CHIA: variants seen among roughly 807,000 people sequenced by gnomAD.
The protein encoded by CHIA is acidic mammalian chitinase.
CHIA carries 47 observed loss-of-function variants against 53.5 expected under a neutral mutation model. That is an observed-to-expected ratio of 0.88 (90% confidence interval 0.70 to 1.12). The LOEUF (loss-of-function observed/expected upper bound fraction) is 1.12. CHIA is among the 50% of genes most tolerant of loss of function. The pLI is 0.00. For synonymous variants in CHIA, 268 were observed against 222.2 expected (o/e 1.21, Z -1.83); for missense variants, 652 against 592.2 (o/e 1.10, Z -1.05).
chr1:111,311,941 G>A (rs1329239012), intron 3 of CHIA, among the ~76,000 whole-genome samples: 2 of 152,096 alleles, frequency 1.3e-5, no homozygotes, highest in African/African-American at 4.8e-5. Context: ...TTCTTAGAAG[G>A]CTGCTAGCTA....
At chr1:111,301,055 G>C (rs1470037517) in intron 1 of CHIA, among the ~76,000 whole-genome samples, 1 of 152,206 alleles carries the variant, frequency 6.6e-6, no homozygotes, top group East Asian at 1.9e-4. Flanking sequence ...AGTTAGAATG[G>C]AGATCATTAA....
intron 9 of CHIA, among the ~76,000 whole-genome samples, 154 bp from the exon 10 acceptor site, chr1:111,318,966 A>T (rs1649411598): frequency 6.6e-6 from 1 of 152,236 alleles, no homozygotes; most frequent in Non-Finnish European, 1.5e-5. Flanking sequence ...AAATCATTTG[A>T]CAAGCAACTT....
chr1:111,320,097 C>A, intron 11 of CHIA, 116 bp from the exon 12 acceptor site: 1 of 854,862 alleles, frequency 1.2e-6, no homozygotes, highest in Non-Finnish European at 1.9e-6. Context: ...TGCAGGGATC[C>A]AGAGCCAACT....
At chr1:111,314,861 G>C (rs1191272290) in intron 5 of CHIA, 2 of 485,424 alleles carry the variant, frequency 4.1e-6, no homozygotes, top group Non-Finnish European at 7.3e-6. Context: ...TCTTCTTAAA[G>C]TATTTCAAGA....
Position 111,318,490 on chromosome 1 carries a change from C to T in CHIA, c.730-3C>T, listed in dbSNP as rs760435122. 5.6e-6 allele frequency: 9 copies of T among 1,611,090 alleles called. 1 individual carries two copies. The highest frequency in any genetic ancestry group is 3.3e-4 in the Middle Eastern group (2 of 6,074). ...CCATGTAACTAACCCACTGACATTGCAGGATTATGTCATGAACTACTGGAA... is the reference window on the plus strand; with the variant it reads ...CCATGTAACTAACCCACTGACATTGTAGGATTATGTCATGAACTACTGGAA... On this transcript the variant is annotated splice_region_variant and splice_polypyrimidine_tract_variant and intron_variant, in intron 8 of 11. Transcript: ENST00000369740.
At chr1:111,315,886 G>C (rs1649117694) in intron 6 of CHIA, 1 of 435,352 alleles carries the variant, frequency 2.3e-6, no homozygotes, top group African/African-American at 2.3e-5. Context: ...CATATTCTGT[G>C]GCAGACATTG....
At chr1:111,303,936 A>C (rs1167542134) in intron 1 of CHIA, among the ~76,000 whole-genome samples, 1 of 152,196 alleles carries the variant, frequency 6.6e-6, no homozygotes, top group Non-Finnish European at 1.5e-5. Context: ...ATTGGTAACA[A>C]ACTACATCAG....
intron 1 of CHIA, among the ~76,000 whole-genome samples, chr1:111,294,841 G>T (rs1246256492): frequency 6.6e-6 from 1 of 151,958 alleles, no homozygotes; most frequent in Non-Finnish European, 1.5e-5. Flanking sequence ...TACATTCATT[G>T]GTTTTCATAA....
chr1:111,315,708 T>C, intron 6 of CHIA: 1 of 515,562 alleles, frequency 1.9e-6, no homozygotes. Flanking sequence ...ATACATACTA[T>C]AAGTGTTATA....
chr1:111,310,231 C>T (rs891617736), intron 1 of CHIA, 169 bp from the exon 2 acceptor site: 18 of 757,190 alleles, frequency 2.4e-5, no homozygotes, highest in Admixed American at 3.6e-5. Context: ...TCTCCACCAC[C>T]CTGTTAGGAG....
chr1:111,317,831 C>T, intron 7 of CHIA, 26 bp downstream of exon 7: 2 of 1,613,636 alleles, frequency 1.2e-6, no homozygotes, highest in African/African-American at 2.7e-5. Flanking sequence ...TATCTTCAAA[C>T]TCCTGGAGGT....
chr1:111,318,645 T>A lies in CHIA; in HGVS notation c.882T>A (p.Tyr294Ter). The A allele has an allele frequency of 6.2e-7, 1 of 1,614,128 alleles. No individual in the cohort carries two copies. Among genetic ancestry groups the A allele is most frequent in the South Asian group, 1.1e-5 (1 of 91,076 alleles). ...PTSGAGPAGPYAKESGIWAYY... is the reference protein window; with the variant it reads ...PTSGAGPAGP ...CTGGTGCTGGTCCTGCTGGGCCCTA[T>A]GCCAAGGAGTCTGGGATCTGGGCTT... The change falls in exon 9 of 12, where the codon TAT (tyrosine) becomes TAA (stop). Residue 294 changes from tyrosine (Y) to a stop codon, truncating the protein, a stop_gained. Coordinates refer to ENST00000369740, the MANE Select transcript of CHIA (RefSeq NM_201653.4). LOFTEE classifies it high-confidence loss of function.
chr1:111,296,889 C>G (rs1237934510), intron 1 of CHIA, among the ~76,000 whole-genome samples: 1 of 152,154 alleles, frequency 6.6e-6, no homozygotes, highest in African/African-American at 2.4e-5. Context: ...AATGAACTGA[C>G]AGAACGGAAA....
chr1:111,311,829 T>C, intron 3 of CHIA, 111 bp downstream of exon 3: 1 of 1,153,558 alleles, frequency 8.7e-7, no homozygotes, highest in South Asian at 1.2e-5. Context: ...GATTTGGGAG[T>C]AATCTAGTGT....
At chr1:111,299,191 C>G (rs1401268129) in intron 1 of CHIA, among the ~76,000 whole-genome samples, 1 of 152,150 alleles carries the variant, frequency 6.6e-6, no homozygotes, top group East Asian at 1.9e-4. Context: ...CCTTCTGAAA[C>G]CATTCCAATC....
rs1648577017 is a variant in CHIA at position 111,310,497 on chromosome 1, GT to G, written c.25+8del. ...CAAAGCTTATTCTCCTCACAGGTGGGTTTGTAATCAGAGATTGACCCTTCAT... is the reference window on the plus strand; with the variant it reads ...CAAAGCTTATTCTCCTCACAGGTGGGTTGTAATCAGAGATTGACCCTTCAT... On this transcript the variant is annotated splice_donor_region_variant and intron_variant, in intron 2 of 11. Coordinates refer to ENST00000369740, the MANE Select transcript of CHIA (RefSeq NM_201653.4). 6.2e-7 allele frequency: 1 copy of G among 1,614,144 alleles called. No homozygotes were observed. The highest frequency in any genetic ancestry group is 1.3e-5 in the African/African-American group (1 of 75,052).
At chr1:111,304,390 C>A (rs759133501) in intron 1 of CHIA, among the ~76,000 whole-genome samples, 1 of 152,078 alleles carries the variant, frequency 6.6e-6, no homozygotes, top group Non-Finnish European at 1.5e-5. Flanking sequence ...CACTTGATGG[C>A]TTTTCACATG....
intron 4 of CHIA, among the ~76,000 whole-genome samples, chr1:111,313,163 A>T (rs80337195): frequency 3.5e-4 from 53 of 152,328 alleles, no homozygotes; most frequent in African/African-American, 1.2e-3. Context: ...CTTTGGATGT[A>T]AACCCAGTAG....
At chr1:111,296,172 T>C (rs1280855690) in intron 1 of CHIA, among the ~76,000 whole-genome samples, 1 of 152,194 alleles carries the variant, frequency 6.6e-6, no homozygotes. Flanking sequence ...TCCGCAGACT[T>C]AAACATTCCT....
Sources: gnomAD v4.1 joint callset for allele counts (sites outside exome capture counted in the v4.1 genomes callset) on GRCh38, gnomAD v4.1.1 for gene constraint, MANE v1.5 for transcripts, NCBI Gene and HGNC (gene_info 2026-07-23, HGNC 2026-07-21) for gene names.